Variants in PARD3 observed in about 807,000 individuals in gnomAD.
The protein encoded by PARD3 is partitioning defective 3 homolog.
Under a neutral mutation model 155.4 loss-of-function variants are expected in PARD3, and 75 were observed. The observed-to-expected ratio is 0.48, with a 90% CI of 0.40 to 0.58. The LOEUF (loss-of-function observed/expected upper bound fraction) is 0.58, where lower values mean the gene tolerates loss of function less well. Ranked by LOEUF, PARD3 falls within the 20% of genes least tolerant of loss-of-function variation. The pLI is 0.00. For missense variants in PARD3, 1,642 were observed against 1,721.7 expected (o/e 0.95, Z 0.82); for synonymous variants, 576 against 610.5 (o/e 0.94, Z 0.83).
In PARD3 at chr10:34,750,462, A is replaced by AACACAC. The variant is rs71033348; in HGVS notation, c.121-54049_121-54044dup. On this transcript the variant is annotated intron_variant, in intron 1 of 24. Transcript: ENST00000374788. ...AGTTACATCCTCTTTCTCTCTTTCAAACACACACACACACACACACACACA... is the reference window on the plus strand; with the variant it reads ...AGTTACATCCTCTTTCTCTCTTTCAAACACACACACACACACACACACACACACACA... Among the ~76,000 whole-genome samples, 891 of 135,900 alleles carry AACACAC rather than the reference A, an allele frequency of 6.6e-3. 6 individuals are homozygous for AACACAC. The highest frequency in any genetic ancestry group is 0.015 in the African/African-American group (542 of 36,434). 89.2% of individuals were successfully genotyped at this position (135,900 alleles called of 152,430 possible).
intron 4 of PARD3, among the ~76,000 whole-genome samples, chr10:34,461,373 G>A (rs2077639217): frequency 6.6e-6 from 1 of 152,202 alleles, no homozygotes; most frequent in Admixed American, 6.5e-5. Flanking sequence ...GGGAGGCCGA[G>A]GCGGGTGGAT....
intron 7 of PARD3, among the ~76,000 whole-genome samples, chr10:34,386,155 A>C (rs1842326464): frequency 6.6e-6 from 1 of 152,336 alleles, no homozygotes; most frequent in African/African-American, 2.4e-5. Flanking sequence ...ATTATACTAG[A>C]GTGAAGCCTA....
intron 1 of PARD3, among the ~76,000 whole-genome samples, chr10:34,713,632 G>A (rs1413001743): frequency 1.3e-5 from 2 of 152,094 alleles, no homozygotes; most frequent in African/African-American, 2.4e-5. Context: ...CAGGCGTGGT[G>A]TTCTGCACCT....
rs562386742 is a variant in PARD3 at position 34,781,142 on chromosome 10, C to A, written c.120+33734G>T. On this transcript the variant is annotated intron_variant, in intron 1 of 24. Transcript: ENST00000374788. ...CTCCCCCCTCTAGCCTGCTGGAGCA[C>A]CCACATGTGCAGAGGCTCACACGAG... 7.9e-5 allele frequency among the ~76,000 whole-genome samples: 12 copies of A among 152,306 alleles called. No individual in the cohort carries two copies. The South Asian group carries it at 2.5e-3, about 32-fold the overall frequency.
intron 9 of PARD3, 80 bp downstream of exon 9, chr10:34,382,460 T>C: frequency 3.4e-6 from 5 of 1,466,938 alleles, no homozygotes; most frequent in Non-Finnish European, 4.6e-6. Context: ...GGTTGACTTT[T>C]AAAATAAATT....
chr10:34,530,804 G>T (rs2082794170), intron 2 of PARD3, among the ~76,000 whole-genome samples: 1 of 152,132 alleles, frequency 6.6e-6, no homozygotes. Context: ...TTTCCAAAGG[G>T]TACTGTGTGT....
chr10:34,618,255 A>G (rs1449436106), intron 2 of PARD3, among the ~76,000 whole-genome samples: 1 of 152,224 alleles, frequency 6.6e-6, no homozygotes, highest in Non-Finnish European at 1.5e-5. Flanking sequence ...ATCCAAATAA[A>G]AAAGTCTTTT....
chr10:34,451,555 T>C (rs2077057950), intron 4 of PARD3, among the ~76,000 whole-genome samples: 1 of 152,142 alleles, frequency 6.6e-6, no homozygotes, highest in Non-Finnish European at 1.5e-5. Flanking sequence ...CAGGATACTA[T>C]TTGCTCTTCC....
At chr10:34,673,387 C>T (rs920150049) in intron 2 of PARD3, among the ~76,000 whole-genome samples, 3 of 152,142 alleles carry the variant, frequency 2.0e-5, no homozygotes, top group Non-Finnish European at 4.4e-5. Context: ...TAAAGCTAAA[C>T]TTAATTATTT....
At chr10:34,597,915 T>C (rs889794157) in intron 2 of PARD3, among the ~76,000 whole-genome samples, 1 of 152,222 alleles carries the variant, frequency 6.6e-6, no homozygotes, top group Non-Finnish European at 1.5e-5. Context: ...TTTTTGCCAC[T>C]GGGTGTCAAT....
intron 2 of PARD3, among the ~76,000 whole-genome samples, chr10:34,575,647 G>A (rs1308576215): frequency 6.6e-6 from 1 of 152,210 alleles, no homozygotes; most frequent in Non-Finnish European, 1.5e-5. Flanking sequence ...TGTAATCCCA[G>A]CACTTTGGGA....
chr10:34,360,353 T>C (rs1339766233), intron 12 of PARD3, 94 bp from the exon 13 acceptor site: 7 of 828,132 alleles, frequency 8.5e-6, no homozygotes, highest in African/African-American at 1.7e-5. Context: ...TCCTTAATCA[T>C]AAGAGGCAAA....
chr10:34,504,443 A>G (rs967252369), intron 3 of PARD3, among the ~76,000 whole-genome samples: 5 of 151,988 alleles, frequency 3.3e-5, no homozygotes, highest in Admixed American at 1.3e-4. Flanking sequence ...AAAAAAAAAA[A>G]AAGAAAAGTA....
intron 2 of PARD3, among the ~76,000 whole-genome samples, chr10:34,541,095 G>A (rs1027008881): frequency 3.9e-5 from 6 of 152,144 alleles, no homozygotes; most frequent in African/African-American, 1.4e-4. Flanking sequence ...ACCATGAAAT[G>A]CAATATAGAA....
At chr10:34,726,464 T>C (rs1328397312) in intron 1 of PARD3, among the ~76,000 whole-genome samples, 1 of 152,176 alleles carries the variant, frequency 6.6e-6, no homozygotes, top group East Asian at 1.9e-4. Flanking sequence ...CACACACCCA[T>C]AATCCCAGCT....
intron 2 of PARD3, among the ~76,000 whole-genome samples, chr10:34,647,589 C>G (rs893717007): frequency 6.6e-6 from 1 of 152,200 alleles, no homozygotes; most frequent in African/African-American, 2.4e-5. Flanking sequence ...CTCTTTTAAG[C>G]TTTGCTGGGC....
intron 4 of PARD3, among the ~76,000 whole-genome samples, chr10:34,460,910 A>T (rs1345009188): frequency 6.6e-6 from 1 of 152,218 alleles, no homozygotes; most frequent in East Asian, 1.9e-4. Flanking sequence ...TAATTAAATG[A>T]TATATAACAT....
intron 1 of PARD3, among the ~76,000 whole-genome samples, chr10:34,790,346 G>C (rs1841483344): frequency 6.6e-6 from 1 of 152,198 alleles, no homozygotes; most frequent in Non-Finnish European, 1.5e-5. Flanking sequence ...CGCTGATGCA[G>C]AAACAAGAGG....
chr10:34,565,161 T>C (rs1261706397), intron 2 of PARD3, among the ~76,000 whole-genome samples: 1 of 150,266 alleles, frequency 6.7e-6, no homozygotes, highest in South Asian at 2.1e-4. Flanking sequence ...AGTAGCCAAG[T>C]ATACTTCATC....
Sources: gnomAD v4.1 joint callset for allele counts (sites outside exome capture counted in the v4.1 genomes callset) on GRCh38, gnomAD v4.1.1 for gene constraint, MANE v1.5 for transcripts, NCBI Gene and HGNC (gene_info 2026-07-23, HGNC 2026-07-21) for gene names.